NEXN: variants seen among roughly 807,000 people sequenced by gnomAD.
The protein encoded by NEXN is nexilin.
NEXN carries 65 observed loss-of-function variants against 92.6 expected under a neutral mutation model. The ratio of observed to expected loss-of-function variants is 0.70; its 90% CI spans 0.57 to 0.86. The LOEUF (loss-of-function observed/expected upper bound fraction) is 0.86. NEXN is among the 40% of genes least tolerant of loss of function. The pLI, the probability that NEXN is intolerant of heterozygous loss-of-function variation, is 0.00. For missense variants in NEXN, 778 were observed against 771.1 expected (o/e 1.01, Z -0.11); for synonymous variants, 254 against 242.5 (o/e 1.05, Z -0.44).
chr1:77,924,566 C>T (rs927481497), intron 5 of NEXN, among the ~76,000 whole-genome samples: 2 of 152,132 alleles, frequency 1.3e-5, no homozygotes, highest in African/African-American at 4.8e-5. Context: ...TTAATAATTG[C>T]TGCTTGTAAG....
chr1:77,938,494 C>T (rs1650975104), intron 11 of NEXN, among the ~76,000 whole-genome samples: 1 of 149,192 alleles, frequency 6.7e-6, no homozygotes, highest in African/African-American at 2.5e-5. Context: ...ACTAAAAATA[C>T]AAAAATTAGC....
chr1:77,935,226 G>T (rs1306851685), intron 10 of NEXN, among the ~76,000 whole-genome samples: 1 of 152,060 alleles, frequency 6.6e-6, no homozygotes, highest in Non-Finnish European at 1.5e-5. Flanking sequence ...TTAGTAGAAA[G>T]GGGGTTTCAC....
chr1:77,916,080 A>G lies in NEXN; in HGVS notation c.-27A>G. 5.1e-6 allele frequency: 8 copies of G among 1,562,688 alleles called. No individual in the cohort carries two copies. Among genetic ancestry groups the G allele is most frequent in the Non-Finnish European group, 7.0e-6 (8 of 1,149,952 alleles). On this transcript the variant is annotated 5_prime_UTR_variant, in exon 2 of 13. Transcript: ENST00000334785. ...GTGCAAATATATACAGAGCTTCATA[A>G]TCAGCCCAAGACCACATAGAGCAAA...
intron 1 of NEXN, among the ~76,000 whole-genome samples, chr1:77,900,028 T>C (rs949938797): frequency 6.6e-6 from 1 of 152,206 alleles, no homozygotes; most frequent in Admixed American, 6.5e-5. Flanking sequence ...CATGCTCGTT[T>C]GCTGGCTCTC....
rs886046534 is a variant in NEXN, at chr1:77,926,595, G to A, written c.671G>A (p.Cys224Tyr). 22 of 1,613,776 alleles carry A rather than the reference G, an allele frequency of 1.4e-5. No individual in the cohort carries two copies. Among genetic ancestry groups the A allele is most frequent in the Non-Finnish European group, 1.9e-5 (22 of 1,179,924 alleles). Residue 224 changes from cysteine (C) to tyrosine (Y), a missense_variant, in exon 7 of 13, where the codon TGT becomes TAT. Cys to Tyr is a radical substitution (Grantham distance 194). Around this residue, in one of 3 missense-constraint regions of NEXN, gnomAD observed 236 missense variants for 265.6 expected, o/e 0.89. Transcript: ENST00000334785. ...CGACCATCTCTCAAGGAAGCAAAGT[G>A]TCTTTCATTAGTTATGGTAAATTTT... ...EQRPSLKEAK[C>Y]LSLVMDDEIE...
At chr1:77,895,029 A>ATTTTTTTTTTTTTTTTTTTT (rs559226754) in intron 1 of NEXN, among the ~76,000 whole-genome samples, 4 of 61,630 alleles carry the variant, frequency 6.5e-5, no homozygotes, top group African/African-American at 2.7e-4. Context: ...CTATAGTGTA[A>ATTTTTTTTTTTTTTTTTTTT]TTTTTTTTTT....
chr1:77,903,823 G>A (rs1434078982), intron 1 of NEXN, among the ~76,000 whole-genome samples: 3 of 152,048 alleles, frequency 2.0e-5, no homozygotes, highest in African/African-American at 7.2e-5. Flanking sequence ...TACTCAGGAG[G>A]CTGAGGTGGG....
intron 2 of NEXN, 63 bp downstream of exon 2, chr1:77,916,196 T>C: frequency 1.5e-6 from 2 of 1,307,570 alleles, no homozygotes; most frequent in Non-Finnish European, 2.2e-6. Flanking sequence ...GTAGAATTGC[T>C]GAAAGGACAG....
intron 8 of NEXN, among the ~76,000 whole-genome samples, chr1:77,927,197 C>T (rs867621152): frequency 7.9e-5 from 12 of 152,006 alleles, no homozygotes; most frequent in African/African-American, 2.9e-4. Context: ...ATCACTTGAA[C>T]TTAGGCGATG....
intron 11 of NEXN, among the ~76,000 whole-genome samples, chr1:77,940,682 AGT>A (rs889980676): frequency 1.3e-5 from 2 of 152,230 alleles, no homozygotes; most frequent in African/African-American, 2.4e-5. Context: ...CAACAAAAAA[AGT>A]GTATACTGTG....
chr1:77,913,993 A>C (rs1648774166), intron 1 of NEXN, among the ~76,000 whole-genome samples: 1 of 152,258 alleles, frequency 6.6e-6, no homozygotes, highest in Admixed American at 6.5e-5. Flanking sequence ...AAAAGGCTAC[A>C]TACTGTGTGG....
At chr1:77,922,974 A>G (rs1283055209) in intron 5 of NEXN, among the ~76,000 whole-genome samples, 4 of 150,752 alleles carry the variant, frequency 2.7e-5, no homozygotes, top group Non-Finnish European at 5.9e-5. Context: ...CTTTGCTCAG[A>G]ATAATTTATT....
intron 1 of NEXN, chr1:77,889,438 G>A (rs569285878): frequency 6.7e-6 from 1 of 148,608 alleles, no homozygotes; most frequent in Admixed American, 6.8e-5. Flanking sequence ...CGAAGTTTAC[G>A]TAGTTTAAGT....
At chr1:77,929,940 T>C (rs1650159637) in intron 9 of NEXN, among the ~76,000 whole-genome samples, 1 of 152,184 alleles carries the variant, frequency 6.6e-6, no homozygotes, top group Non-Finnish European at 1.5e-5. Flanking sequence ...ACCTACTATA[T>C]ATTAAATGAC....
intron 5 of NEXN, among the ~76,000 whole-genome samples, chr1:77,920,439 G>A (rs1318466711): frequency 1.3e-5 from 2 of 151,920 alleles, no homozygotes; most frequent in African/African-American, 4.8e-5. Flanking sequence ...ACAAGATTTG[G>A]AGATTCTAGG....
intron 1 of NEXN, among the ~76,000 whole-genome samples, chr1:77,905,498 C>T (rs1163765887): frequency 6.6e-6 from 1 of 151,830 alleles, no homozygotes; most frequent in Non-Finnish European, 1.5e-5. Context: ...AAAGACTAGC[C>T]TGGGCAACAT....
At chr1:77,908,133 A>G (rs1243275057) in intron 1 of NEXN, among the ~76,000 whole-genome samples, 1 of 152,104 alleles carries the variant, frequency 6.6e-6, no homozygotes, top group East Asian at 1.9e-4. Context: ...CCTGAAGTGC[A>G]GTAGCATGAT....
chr1:77,928,208 T>C (rs1041058956), intron 8 of NEXN, among the ~76,000 whole-genome samples: 1 of 150,692 alleles, frequency 6.6e-6, no homozygotes, highest in African/African-American at 2.4e-5. Context: ...GCTCCCCGGG[T>C]GCTGAGGCGA....
intron 1 of NEXN, among the ~76,000 whole-genome samples, chr1:77,907,984 C>A (rs1049752877): frequency 6.6e-6 from 1 of 152,142 alleles, no homozygotes; most frequent in Non-Finnish European, 1.5e-5. Context: ...CATGGTTACT[C>A]ATGCCTGTAA....
Sources: allele counts gnomAD v4.1 joint callset (sites outside exome capture counted in the v4.1 genomes callset), GRCh38; gene constraint gnomAD v4.1.1; regional missense constraint gnomAD v4.1.1; transcripts MANE v1.5; gene names NCBI Gene and HGNC (gene_info 2026-07-23, HGNC 2026-07-21).